Variants in PRKG1 observed in about 807,000 individuals in gnomAD.
PRKG1 encodes the protein protein kinase cGMP-dependent 1, also known as cGMP-dependent protein kinase 1.
PRKG1 carries 35 observed loss-of-function variants against 88.1 expected under a neutral mutation model. The observed-to-expected ratio is 0.40, with a 90% CI of 0.30 to 0.53. The LOEUF is 0.53. Ranked by LOEUF, PRKG1 falls within the 20% of genes least tolerant of loss-of-function variation. The pLI is 0.59. For missense variants in PRKG1, 540 were observed against 839.8 expected, an observed-to-expected ratio of 0.64 and a Z score of 4.41; for synonymous variants, 303 against 292.5, an observed-to-expected ratio of 1.04 and a Z score of -0.37.
chr10:51,707,317 T>C (rs529657732), intron 3 of PRKG1, among the ~76,000 whole-genome samples: 1 of 151,110 alleles, frequency 6.6e-6, no homozygotes, highest in Admixed American at 6.6e-5. Context: ...TAACACCACA[T>C]CGTTCTGCCA....
chr10:52,069,217 T>C lies in PRKG1; in HGVS notation c.935+6586T>C, dbSNP rs546478145. 9.1e-4 allele frequency among the ~76,000 whole-genome samples: 138 copies of C among 152,348 alleles called. 1 individual carries two copies. The South Asian group carries it at 0.026, about 29-fold the overall frequency. On this transcript the variant is annotated intron_variant, in intron 7 of 17. Transcript: ENST00000373980. ...CTTCTTTGTTTTATCTTCTGATGTATATTTTTTTCTTTTAAAAAATTAATA... is the reference window on the plus strand; with the variant it reads ...CTTCTTTGTTTTATCTTCTGATGTACATTTTTTTCTTTTAAAAAATTAATA...
intron 3 of PRKG1, among the ~76,000 whole-genome samples, chr10:51,798,368 C>T (rs1415390721): frequency 6.6e-6 from 1 of 151,992 alleles, no homozygotes; most frequent in African/African-American, 2.4e-5. Context: ...AGTGCTATCT[C>T]ATGGTGATTT....
At chr10:52,066,130 T>C (rs12781013) in intron 7 of PRKG1, among the ~76,000 whole-genome samples, 5,899 of 152,290 alleles carry the variant, frequency 0.039, 128 homozygotes, top group Middle Eastern at 0.058. Context: ...GATTTGCTAG[T>C]TACCTCATGA....
At chr10:52,044,395 T>C (rs1845817505) in intron 5 of PRKG1, among the ~76,000 whole-genome samples, 1 of 152,124 alleles carries the variant, frequency 6.6e-6, no homozygotes, top group Non-Finnish European at 1.5e-5. Flanking sequence ...AAAAACGTAC[T>C]AGTACTTTCT....
intron 2 of PRKG1, among the ~76,000 whole-genome samples, chr10:51,237,332 A>T (rs1839023506): frequency 6.6e-6 from 1 of 152,188 alleles, no homozygotes; most frequent in Non-Finnish European, 1.5e-5. Flanking sequence ...ATGTGTGTAG[A>T]ATGAAAGCGC....
chr10:51,454,674 A>G (rs988381227), intron 2 of PRKG1, among the ~76,000 whole-genome samples: 6 of 152,192 alleles, frequency 3.9e-5, no homozygotes, highest in African/African-American at 1.4e-4. Flanking sequence ...AGGCAAGAGA[A>G]ACTGAGAGCC....
intron 3 of PRKG1, among the ~76,000 whole-genome samples, chr10:51,553,900 A>G (rs1319918527): frequency 6.3e-5 from 8 of 126,600 alleles, no homozygotes; most frequent in African/African-American, 2.5e-4. Context: ...TAATATATGT[A>G]TGTATTAGAT....
chr10:51,990,497 A>G (rs1393119525), intron 5 of PRKG1, among the ~76,000 whole-genome samples: 1 of 151,928 alleles, frequency 6.6e-6, no homozygotes, highest in Non-Finnish European at 1.5e-5. Context: ...TATTCTCTTC[A>G]AATTCTTTTT....
chr10:51,202,798 C>T (rs1174812880), intron 2 of PRKG1, among the ~76,000 whole-genome samples: 4 of 152,148 alleles, frequency 2.6e-5, no homozygotes, highest in African/African-American at 4.8e-5. Flanking sequence ...ATGATGGAGC[C>T]ATAATGTGGC....
At chr10:52,092,800 A>G (rs988774573) in intron 7 of PRKG1, among the ~76,000 whole-genome samples, 5 of 152,332 alleles carry the variant, frequency 3.3e-5, no homozygotes, top group South Asian at 2.1e-4. Flanking sequence ...ACCATTGGGA[A>G]GATTGTTAAG....
At chr10:52,166,851 C>A (rs11001044) in intron 9 of PRKG1, among the ~76,000 whole-genome samples, 16,442 of 37,552 alleles carry the variant, frequency 0.44, 1,876 homozygotes, top group South Asian at 0.55. Context: ...ATATATATGT[C>A]TATATATATA....
At chr10:51,409,946 G>A (rs1321130214) in intron 2 of PRKG1, among the ~76,000 whole-genome samples, 1 of 151,084 alleles carries the variant, frequency 6.6e-6, no homozygotes, top group Non-Finnish European at 1.5e-5. Context: ...TTCACCTATG[G>A]GGGCCTGCCA....
intron 4 of PRKG1, among the ~76,000 whole-genome samples, chr10:51,823,774 GA>G (rs1477988374): frequency 1.3e-5 from 2 of 149,380 alleles, no homozygotes; most frequent in Non-Finnish European, 1.5e-5. Flanking sequence ...TAGAAATGTT[GA>G]AATGATTTAA....
At position 51,400,551 on chromosome 10, in the gene PRKG1, A is replaced by C. The variant is rs1837709380; in HGVS notation, c.479-67172A>C. Among the ~76,000 whole-genome samples the C allele has an allele frequency of 3.3e-5, 5 of 152,220 alleles. No individual in the cohort carries two copies. The South Asian group carries it at 1.0e-3, about 32-fold the overall frequency. On this transcript the variant is annotated intron_variant, in intron 2 of 17. Transcript: ENST00000373980. ...GATTCAAACATCCAGACGTAGAAAGAAACTGAAGTGTAAAAATTTTTCAAG... is the reference window on the plus strand; with the variant it reads ...GATTCAAACATCCAGACGTAGAAAGCAACTGAAGTGTAAAAATTTTTCAAG...
At chr10:51,459,379 G>A (rs1839681242) in intron 2 of PRKG1, among the ~76,000 whole-genome samples, 1 of 152,034 alleles carries the variant, frequency 6.6e-6, no homozygotes, top group Non-Finnish European at 1.5e-5. Flanking sequence ...TTCTTTCTCT[G>A]TAACCTCTAG....
At chr10:51,137,908 G>A (rs1045332218) in intron 1 of PRKG1, among the ~76,000 whole-genome samples, 17 of 152,172 alleles carry the variant, frequency 1.1e-4, no homozygotes, top group African/African-American at 3.9e-4. Context: ...GAAGGTTGAT[G>A]ATTAAATGTT....
chr10:51,192,824 G>A (rs913231873), intron 2 of PRKG1, among the ~76,000 whole-genome samples: 1 of 151,870 alleles, frequency 6.6e-6, no homozygotes, highest in Non-Finnish European at 1.5e-5. Flanking sequence ...CACGTAGAAT[G>A]GCCATTCATA....
chr10:51,892,395 A>G (rs1207929132), intron 4 of PRKG1, among the ~76,000 whole-genome samples: 2 of 152,176 alleles, frequency 1.3e-5, no homozygotes, highest in South Asian at 2.1e-4. Flanking sequence ...GGTTTTCAAG[A>G]CAGTCATAAA....
chr10:51,128,116 A>T (rs907145344), intron 1 of PRKG1, among the ~76,000 whole-genome samples: 4 of 152,216 alleles, frequency 2.6e-5, no homozygotes, highest in African/African-American at 9.7e-5. Context: ...CCCAGAACTT[A>T]AAGTAAAATA....
Sources: allele counts gnomAD v4.1 joint callset (sites outside exome capture counted in the v4.1 genomes callset), GRCh38; gene constraint gnomAD v4.1.1; transcripts MANE v1.5; gene names NCBI Gene and HGNC (gene_info 2026-07-23, HGNC 2026-07-21).